USP3: variants seen among roughly 807,000 people sequenced by gnomAD.
The protein encoded by USP3 is ubiquitin specific peptidase 3.
A neutral mutation model predicts 72.3 loss-of-function variants in USP3; 20 were observed. That is an observed-to-expected ratio of 0.28 (90% CI 0.19 to 0.40). USP3 has a LOEUF of 0.40. Ranked by LOEUF, USP3 falls within the 10% of genes least tolerant of loss-of-function variation. The pLI, the probability that USP3 is intolerant of heterozygous loss-of-function variation, is 1.00. For synonymous variants in USP3, 222 were observed against 225.3 expected (o/e 0.99, Z 0.13); for missense variants, 479 against 633.9 (o/e 0.76, Z 2.62).
intron 11 of USP3, among the ~76,000 whole-genome samples, chr15:63,587,030 T>A (rs1373657296): frequency 6.6e-6 from 1 of 152,202 alleles, no homozygotes; most frequent in African/African-American, 2.4e-5. Flanking sequence ...AAAGGCTGAC[T>A]ATGGCTTGGA....
chr15:63,542,955 A>AG (rs550062698), intron 3 of USP3, among the ~76,000 whole-genome samples: 13 of 152,326 alleles, frequency 8.5e-5, no homozygotes, highest in Admixed American at 2.6e-4. Flanking sequence ...TGGAAAGCCC[A>AG]GGGGGACTCT....
intron 3 of USP3, among the ~76,000 whole-genome samples, chr15:63,541,685 T>G (rs2066247375): frequency 6.6e-6 from 1 of 152,182 alleles, no homozygotes; most frequent in African/African-American, 2.4e-5. Context: ...ATGCTCTTGC[T>G]TCCTAAGCAA....
intron 11 of USP3, among the ~76,000 whole-genome samples, chr15:63,580,017 C>A (rs1227083582): frequency 6.6e-6 from 1 of 152,010 alleles, no homozygotes. Context: ...ATTTCACTTA[C>A]AAGGGTGGAC....
chr15:63,537,244 A>C (rs1011076733), intron 3 of USP3, 88 bp downstream of exon 3: 2 of 1,418,666 alleles, frequency 1.4e-6, no homozygotes, highest in Admixed American at 4.8e-5. Flanking sequence ...TAAGCCAGTT[A>C]CTACTGCTGT....
chr15:63,528,538 T>G lies in USP3; in HGVS notation c.92-4109T>G, dbSNP rs1595715867. Among the ~76,000 whole-genome samples the G allele has an allele frequency of 6.6e-6, 1 of 152,300 alleles. No individual in the cohort carries two copies. The highest frequency in any genetic ancestry group is 6.5e-5 in the Admixed American group (1 of 15,306). On this transcript the variant is annotated intron_variant, in intron 1 of 14. Transcript: ENST00000380324. The surrounding 1 kb of genome is among the most constrained non-coding windows in gnomAD (Gnocchi z 4.3). Reference sequence around the variant, plus strand: ...CTAAATAGATACTATATTCAGAGCCTAAAAATATTTTTATTACTGTGTGGT... The same window carrying G: ...CTAAATAGATACTATATTCAGAGCCGAAAAATATTTTTATTACTGTGTGGT...
In USP3 at chr15:63,591,550, A is replaced by AATGTT. The variant is rs2067200277; in HGVS notation, c.*725_*729dup. On this transcript the variant is annotated 3_prime_UTR_variant, in exon 15 of 15. Transcript: ENST00000380324. ...ATGGGAGTAAAGACCAAATACATGT[A>AATGTT]ATGTTTAAAAAAAATGCTGTGACTC... The AATGTT allele has an allele frequency of 6.6e-6, 1 of 152,044 alleles. No individual in the cohort carries two copies. The highest frequency in any genetic ancestry group is 2.4e-5 in the African/African-American group (1 of 41,354). The allele number at this position is 152,044 out of a possible 1,614,324, so 9.4% of individuals were successfully genotyped here.
At chr15:63,540,186 G>C (rs138215829) in intron 3 of USP3, among the ~76,000 whole-genome samples, 50 of 152,278 alleles carry the variant, frequency 3.3e-4, no homozygotes, top group Non-Finnish European at 7.3e-4. Context: ...GAGGCTTGCA[G>C]TTCTTCTTTC....
intron 3 of USP3, among the ~76,000 whole-genome samples, chr15:63,549,302 A>G (rs1178474931): frequency 6.6e-6 from 1 of 152,232 alleles, no homozygotes; most frequent in Non-Finnish European, 1.5e-5. Flanking sequence ...TTGTTTTCCA[A>G]TAAATGGAGT....
chr15:63,584,894 T>A (rs765534916), intron 11 of USP3, among the ~76,000 whole-genome samples: 9 of 152,202 alleles, frequency 5.9e-5, no homozygotes, highest in Non-Finnish European at 1.2e-4. Flanking sequence ...GTTTTAAGAC[T>A]TATGTTTAAG....
intron 2 of USP3, among the ~76,000 whole-genome samples, chr15:63,535,353 C>A (rs1287743987): frequency 1.3e-5 from 2 of 152,160 alleles, no homozygotes; most frequent in African/African-American, 4.8e-5. Flanking sequence ...TAGTTAAGCA[C>A]AGAAAGAAGA....
In USP3 at chr15:63,588,920, T is replaced by TG; in HGVS notation, c.1330-23dup. 1 of 1,614,132 alleles carries TG rather than the reference T, an allele frequency of 6.2e-7. No individual in the cohort carries two copies. Among genetic ancestry groups the TG allele is most frequent in the Non-Finnish European group, 8.5e-7 (1 of 1,179,982 alleles). On this transcript the variant is annotated intron_variant, in intron 13 of 14. Transcript: ENST00000380324. This position sits in a 1 kb window ranked among gnomAD's most constrained non-coding sequence, Gnocchi z 4.6. ...TCGAGATACTGATGTCATTGACCACTGCTCCTTCTTCCTTGTTCTGTAGCC... is the reference window on the plus strand; with the variant it reads ...TCGAGATACTGATGTCATTGACCACTGGCTCCTTCTTCCTTGTTCTGTAGCC...
intron 8 of USP3, among the ~76,000 whole-genome samples, chr15:63,563,273 T>A (rs1318658920): frequency 6.6e-6 from 1 of 152,234 alleles, no homozygotes; most frequent in East Asian, 1.9e-4. Flanking sequence ...AAATAACTTA[T>A]GCGCACTAGG....
chr15:63,591,046 G>GTAAT lies in USP3; in HGVS notation c.*221_*224dup. 1 of 466,312 alleles carries GTAAT rather than the reference G, an allele frequency of 2.1e-6. No homozygotes were observed. Among genetic ancestry groups the GTAAT allele is most frequent in the East Asian group, 3.8e-5 (1 of 26,500 alleles). The allele number at this position is 466,312 out of a possible 1,614,324, so 28.9% of individuals were successfully genotyped here. On this transcript the variant is annotated 3_prime_UTR_variant, in exon 15 of 15. Transcript: ENST00000380324. ...GATGTTTTGATTTGCTGCTTTAGTT[G>GTAAT]TAATAATTCAATTTTTATAGGTAGT... is the stretch of plus-strand genomic sequence containing the variant.
At chr15:63,580,622 A>C (rs1485818899) in intron 11 of USP3, among the ~76,000 whole-genome samples, 3 of 137,676 alleles carry the variant, frequency 2.2e-5, no homozygotes, top group African/African-American at 5.4e-5. Context: ...GAGAATCTTA[A>C]GAGTTTCAGA....
intron 1 of USP3, among the ~76,000 whole-genome samples, chr15:63,520,147 G>A (rs756571285): frequency 6.6e-6 from 1 of 152,066 alleles, no homozygotes; most frequent in African/African-American, 2.4e-5. Flanking sequence ...AAATAAATAA[G>A]CATATCTACA....
intron 2 of USP3, among the ~76,000 whole-genome samples, chr15:63,536,355 C>T (rs1567101416): frequency 6.6e-6 from 1 of 151,602 alleles, no homozygotes; most frequent in Non-Finnish European, 1.5e-5. Flanking sequence ...TAAGCAGCAA[C>T]TTGAGCAGAG....
Position 63,520,554 on chromosome 15 carries a change from A to ATTTTTTTTTTTTTTT in USP3, c.92-12080_92-12066dup, listed in dbSNP as rs35244583. 5.7e-5 allele frequency among the ~76,000 whole-genome samples: 6 copies of ATTTTTTTTTTTTTTT among 105,424 alleles called. 3 individuals are homozygous for ATTTTTTTTTTTTTTT. Among genetic ancestry groups the ATTTTTTTTTTTTTTT allele is most frequent in the African/African-American group, 7.5e-5 (2 of 26,548 alleles). 69.2% of individuals were successfully genotyped at this position (105,424 alleles called of 152,430 possible). A position where few individuals can be genotyped will look rare whatever the true frequency, so the allele number is the denominator to read the frequency against. ...TTTGTTTGTTTGATTTCTGTTTTAG[A>ATTTTTTTTTTTTTTT]TTTTTTTTTTTTTTTTTTTTTTTTT... On this transcript the variant is annotated intron_variant, in intron 1 of 14. Coordinates refer to ENST00000380324, the MANE Select transcript of USP3 (RefSeq NM_006537.4).
rs1316526020 is a variant in USP3 at position 63,592,131 on chromosome 15, G to A, written c.*1305G>A. 6.6e-6 allele frequency: 1 copy of A among 151,974 alleles called. No individual in the cohort carries two copies. Among genetic ancestry groups the A allele is most frequent in the Admixed American group, 6.6e-5 (1 of 15,260 alleles). The allele number at this position is 151,974 out of a possible 1,614,324, so 9.4% of individuals were successfully genotyped here. On this transcript the variant is annotated 3_prime_UTR_variant, in exon 15 of 15. Transcript: ENST00000380324. ...GGGGGTTTACCATGTTGGCTAGGGT[G>A]GTCTCAACCTCCCTCCTGACCTCAG... is the stretch of plus-strand genomic sequence containing the variant.
At position 63,529,360 on chromosome 15, in the gene USP3, A is replaced by G. The variant is rs1191543507; in HGVS notation, c.92-3287A>G. Among the ~76,000 whole-genome samples, 1 of 152,200 alleles carries G rather than the reference A, an allele frequency of 6.6e-6. No homozygotes were observed. The highest frequency in any genetic ancestry group is 1.9e-4 in the East Asian group (1 of 5,200). ...AAAGTTAACCATCTTAAAGTGAACAATTCAGTGGCGTTTAGTACATCCACA... is the reference window on the plus strand; with the variant it reads ...AAAGTTAACCATCTTAAAGTGAACAGTTCAGTGGCGTTTAGTACATCCACA... On this transcript the variant is annotated intron_variant, in intron 1 of 14. Coordinates refer to ENST00000380324, the MANE Select transcript of USP3 (RefSeq NM_006537.4). The surrounding 1 kb of genome is among the most constrained non-coding windows in gnomAD (Gnocchi z 4.2).
Sources: allele counts gnomAD v4.1 joint callset (sites outside exome capture counted in the v4.1 genomes callset), GRCh38; gene constraint gnomAD v4.1.1; non-coding constraint Gnocchi (gnomAD v3.1); transcripts MANE v1.5; gene names NCBI Gene and HGNC (gene_info 2026-07-23, HGNC 2026-07-21).